The following ZNF85 variants were observed in gnomAD, a reference collection of about 807,000 sequenced individuals.
ZNF85 encodes zinc finger protein 85 (HPF4, HTF1).
A neutral mutation model predicts 53.9 loss-of-function variants in ZNF85; 50 were observed. The observed-to-expected ratio is 0.93, with a 90% CI of 0.74 to 1.17. The LOEUF (loss-of-function observed/expected upper bound fraction) is 1.17, where lower values mean the gene tolerates loss of function less well. Among genes scored for constraint, ZNF85 ranks in the 50% most tolerant of loss-of-function variants. The pLI, the probability that ZNF85 is intolerant of heterozygous loss-of-function variation, is 0.00. For synonymous variants in ZNF85, 225 were observed against 226.1 expected (o/e 1.00, Z 0.04); for missense variants, 747 against 688.5 (o/e 1.08, Z -0.95).
At chr19:20,924,899 T>C (rs1294633393) in intron 1 of ZNF85, among the ~76,000 whole-genome samples, 3 of 152,180 alleles carry the variant, frequency 2.0e-5, no homozygotes, top group Non-Finnish European at 2.9e-5. Context: ...TTGGAGACTT[T>C]ATGGTGTGAT....
chr19:20,949,796 T>G lies in ZNF85; in HGVS notation c.1282T>G (p.Cys428Gly). ...IIHTGEKPYK[C>G]KECEKAFNQS... ...TCATACTGGAGAGAAGCCTTACAAA[T>G]GTAAAGAATGTGAAAAAGCTTTTAA... Residue 428 changes from cysteine (C) to glycine (G), a missense_variant, in exon 4 of 4, where the codon TGT becomes GGT. Transcript: ENST00000328178. 1 of 1,611,852 alleles carries G rather than the reference T, an allele frequency of 6.2e-7. No individual in the cohort carries two copies. The highest frequency in any genetic ancestry group is 1.1e-5 in the South Asian group (1 of 90,784).
intron 1 of ZNF85, among the ~76,000 whole-genome samples, chr19:20,932,469 T>G (rs1350406523): frequency 6.6e-6 from 1 of 152,196 alleles, no homozygotes; most frequent in East Asian, 1.9e-4. Context: ...TACCACAAAT[T>G]TATAATCTGC....
At chr19:20,935,115 G>A (rs1973127128) in intron 3 of ZNF85, 68 bp downstream of exon 3, 3 of 1,023,292 alleles carry the variant, frequency 2.9e-6, no homozygotes, top group Non-Finnish European at 4.3e-6. Flanking sequence ...GAGAAAGCCA[G>A]TCCTTAAAAT....
intron 1 of ZNF85, among the ~76,000 whole-genome samples, chr19:20,929,387 C>A (rs374939504): frequency 4.6e-5 from 7 of 152,066 alleles, no homozygotes; most frequent in Admixed American, 1.3e-4. Context: ...CAGGGCTTCA[C>A]CATCTTGGCC....
At chr19:20,927,130 T>TG (rs1256761686) in intron 1 of ZNF85, 2 of 152,110 alleles carry the variant, frequency 1.3e-5, no homozygotes, top group Non-Finnish European at 2.9e-5. Context: ...CAGGAGCCTG[T>TG]GGGAAAAAAA....
At chr19:20,937,238 G>A (rs1023851076) in intron 3 of ZNF85, 14 of 437,606 alleles carry the variant, frequency 3.2e-5, no homozygotes, top group Admixed American at 1.0e-4. Flanking sequence ...CACCATATTG[G>A]CCAGGCGAGT....
intron 3 of ZNF85, among the ~76,000 whole-genome samples, chr19:20,938,464 TA>T (rs200201147): frequency 0.016 from 2,484 of 152,280 alleles, 34 homozygotes; most frequent in Non-Finnish European, 0.028. Context: ...GGCTCTCTCA[TA>T]AGGGCATTTT....
intron 3 of ZNF85, among the ~76,000 whole-genome samples, chr19:20,940,458 G>A (rs1489919819): frequency 6.6e-6 from 1 of 152,128 alleles, no homozygotes; most frequent in Non-Finnish European, 1.5e-5. Flanking sequence ...GATTACTTGA[G>A]CCTGGGAATT....
chr19:20,932,856 C>T (rs1411974155), intron 1 of ZNF85, among the ~76,000 whole-genome samples: 2 of 151,980 alleles, frequency 1.3e-5, no homozygotes, highest in African/African-American at 4.8e-5. Context: ...GTATCACAGC[C>T]GTGATGCTGT....
intron 1 of ZNF85, among the ~76,000 whole-genome samples, chr19:20,930,127 A>ACCCC (rs1222746070): frequency 6.7e-6 from 1 of 150,004 alleles, no homozygotes; most frequent in Admixed American, 6.7e-5. Flanking sequence ...TCCCAAAAAA[A>ACCCC]AAAAAAAAAA....
At chr19:20,924,077 C>T (rs990413315) in intron 1 of ZNF85, among the ~76,000 whole-genome samples, 17 of 140,376 alleles carry the variant, frequency 1.2e-4, no homozygotes, top group Middle Eastern at 7.3e-3. Flanking sequence ...AAGAGTGAAA[C>T]TCCGTCTCAA....
In ZNF85 at chr19:20,923,296, T is replaced by A. The variant is rs762186714; in HGVS notation, c.-105T>A. 3.0e-5 allele frequency: 47 copies of A among 1,575,118 alleles called. No individual in the cohort carries two copies. In the Admixed American group the frequency reaches 5.9e-4, roughly 20 times the overall value. On this transcript the variant is annotated 5_prime_UTR_variant, in exon 1 of 4. Coordinates refer to ENST00000328178, the MANE Select transcript of ZNF85 (RefSeq NM_003429.5). Reference sequence around the variant, plus strand: ...CCTGAGCTCTAGGTCTTGTTTTCCCTGCTTTGTGTTTTCTGCTCGTGGACG... The same window carrying A: ...CCTGAGCTCTAGGTCTTGTTTTCCCAGCTTTGTGTTTTCTGCTCGTGGACG...
At chr19:20,930,081 A>G (rs1399716511) in intron 1 of ZNF85, among the ~76,000 whole-genome samples, 1 of 131,854 alleles carries the variant, frequency 7.6e-6, no homozygotes, top group Non-Finnish European at 1.6e-5. Context: ...AGATCATGCC[A>G]TTGCACTCCA....
chr19:20,949,346 A>G lies in ZNF85; in HGVS notation c.832A>G (p.Ile278Val), dbSNP rs1363715127. The G allele has an allele frequency of 6.2e-7, 1 of 1,609,098 alleles. No individual in the cohort carries two copies. The highest frequency in any genetic ancestry group is 2.2e-5 in the East Asian group (1 of 44,778). ...NRFSTLTTHK[I>V]IHTGEKPYKC... ...ATTCTCAACTCTTACTACCCATAAG[A>G]TAATTCATACTGGAGAGAAACCCTA... The change falls in exon 4 of 4, where the codon ATA becomes GTA. Residue 278 changes from isoleucine (I) to valine (V), a missense_variant. Transcript: ENST00000328178.
At position 20,949,765 on chromosome 19, in the gene ZNF85, GA is replaced by G; in HGVS notation, c.1252del (p.Ile418Ter). 1 of 1,611,732 alleles carries G rather than the reference GA, an allele frequency of 6.2e-7. No individual in the cohort carries two copies. The highest frequency in any genetic ancestry group is 8.5e-7 in the Non-Finnish European group (1 of 1,179,018). On this transcript the variant is annotated frameshift_variant, in exon 4 of 4. Coordinates refer to ENST00000328178, the MANE Select transcript of ZNF85 (RefSeq NM_003429.5). LOFTEE classifies it high-confidence loss of function. ...KHSSTLTKHK[I>X]IHTGEKPYKC... ...ACTCTTCAACCCTTACTAAACATAA[GA>G]TAATTCATACTGGAGAGAAGCCTTA...
chr19:20,930,545 T>C (rs1032525828), intron 1 of ZNF85, among the ~76,000 whole-genome samples: 5 of 151,434 alleles, frequency 3.3e-5, no homozygotes, highest in African/African-American at 9.7e-5. Flanking sequence ...AAACACTTAA[T>C]AACATCTTTC....
chr19:20,934,844 G>T, intron 2 of ZNF85, 105 bp from the exon 3 acceptor site: 1 of 586,446 alleles, frequency 1.7e-6, no homozygotes. Context: ...GAAAATGTCT[G>T]TTATAAATTA....
intron 3 of ZNF85, among the ~76,000 whole-genome samples, chr19:20,935,256 C>G (rs1973130010): frequency 6.6e-6 from 1 of 152,060 alleles, no homozygotes; most frequent in South Asian, 2.1e-4. Context: ...TCTACTTTTC[C>G]TTCGGTGATC....
At chr19:20,923,458 G>A in intron 1 of ZNF85, 55 bp downstream of exon 1, 12 of 1,612,660 alleles carry the variant, frequency 7.4e-6, no homozygotes, top group Non-Finnish European at 9.3e-6. Context: ...TGAAACCGGT[G>A]GGAAGCGGCT....
Sources: gnomAD v4.1 joint callset for allele counts (sites outside exome capture counted in the v4.1 genomes callset) on GRCh38, gnomAD v4.1.1 for gene constraint, MANE v1.5 for transcripts, NCBI Gene and HGNC (gene_info 2026-07-23, HGNC 2026-07-21) for gene names.